Variants in ADAP1 observed in about 807,000 individuals in gnomAD.
The protein encoded by ADAP1 is arf-GAP with dual PH domain-containing protein 1.
A neutral mutation model predicts 54.9 loss-of-function variants in ADAP1; 31 were observed. The observed-to-expected ratio is 0.56, with a 90% CI of 0.42 to 0.76. The LOEUF (loss-of-function observed/expected upper bound fraction) is 0.76. ADAP1 is among the 30% of genes least tolerant of loss of function. The pLI is 0.00. For missense variants in ADAP1, 535 were observed against 512.4 expected (o/e 1.04, Z -0.42); for synonymous variants, 313 against 202.6 (o/e 1.55, Z -4.63).
intron 3 of ADAP1, among the ~76,000 whole-genome samples, chr7:922,007 C>G (rs1218719054): frequency 6.6e-6 from 1 of 152,184 alleles, no homozygotes; most frequent in Non-Finnish European, 1.5e-5. Flanking sequence ...GCAGCAGCAG[C>G]AGGAGGAAGC....
At chr7:904,998 G>T (rs561472625) in intron 5 of ADAP1, 62 bp downstream of exon 5, 3 of 1,452,834 alleles carry the variant, frequency 2.1e-6, no homozygotes, top group Non-Finnish European at 2.9e-6. Flanking sequence ...ACAGGCCCCA[G>T]TGTGGGAGGC....
intron 4 of ADAP1, among the ~76,000 whole-genome samples, chr7:914,408 G>A (rs188228503): frequency 3.3e-5 from 5 of 152,326 alleles, no homozygotes; most frequent in African/African-American, 7.2e-5. Context: ...GAACGCCGCC[G>A]GGAATCCCCA....
chr7:905,192 C>A lies in ADAP1; in HGVS notation c.389-20G>T, dbSNP rs199665210. ...GGTACCCTGTGGGGGAAAGGGGACA[C>A]GAGTCGGTGACAGTGGATGGGGGGG... On this transcript the variant is annotated intron_variant, in intron 4 of 10. Transcript: ENST00000265846. 1.1e-5 allele frequency: 18 copies of A among 1,597,776 alleles called. 1 individual carries two copies. In the South Asian group the frequency reaches 1.3e-4, roughly 12 times the overall value.
chr7:952,416 C>A (rs1050315605), intron 1 of ADAP1, among the ~76,000 whole-genome samples: 2 of 152,214 alleles, frequency 1.3e-5, no homozygotes, highest in Non-Finnish European at 2.9e-5. Context: ...ACGTGCCGGC[C>A]ACCCCAGCCC....
rs546763498 is a variant in ADAP1 at position 910,725 on chromosome 7, G to A, written c.389-5553C>T. Among the ~76,000 whole-genome samples, 18 of 152,356 alleles carry A rather than the reference G, an allele frequency of 1.2e-4. No homozygotes were observed. In the East Asian group the frequency reaches 3.5e-3, roughly 29 times the overall value. On this transcript the variant is annotated intron_variant, in intron 4 of 10. Transcript: ENST00000265846. ...AGCTCACAGGGTGGTGGACCCTCTG[G>A]GGTGGGAACTGCATCCCCATATCTC...
chr7:912,253 G>C (rs532630984), intron 4 of ADAP1, among the ~76,000 whole-genome samples: 1 of 152,138 alleles, frequency 6.6e-6, no homozygotes, highest in Non-Finnish European at 1.5e-5. Flanking sequence ...GCGTCTCAGC[G>C]AGACCAGGGC....
At chr7:931,322 C>T (rs772193262) in intron 2 of ADAP1, among the ~76,000 whole-genome samples, 8 of 152,304 alleles carry the variant, frequency 5.3e-5, no homozygotes, top group African/African-American at 1.2e-4. Flanking sequence ...AAGGTAGAGA[C>T]GACCCACGTG....
chr7:954,137 G>A (rs933810431), intron 1 of ADAP1, among the ~76,000 whole-genome samples: 6 of 152,128 alleles, frequency 3.9e-5, no homozygotes, highest in African/African-American at 1.2e-4. Flanking sequence ...CGGGGGAGGG[G>A]AGGCGGCGGC....
rs1208591061 is a variant in ADAP1, at chr7:900,129, T to C, written c.768A>G (p.Glu256=). The C allele has an allele frequency of 1.2e-6, 2 of 1,613,080 alleles. No individual in the cohort carries two copies. Among genetic ancestry groups the C allele is most frequent in the African/African-American group, 1.3e-5 (1 of 74,920 alleles). ...VPKLSRNYLK[E]GYMEKTGPKQ... ...TGGGCCCCGTCTTCTCCATGTAGCC[T>C]TCCTTCAGGTAGTTCCTGGAGAGCT... The change falls in exon 8 of 11, where the codon GAA becomes GAG. Residue 256 remains glutamate, a synonymous_variant. Coordinates refer to ENST00000265846, the MANE Select transcript of ADAP1 (RefSeq NM_006869.4).
intron 5 of ADAP1, 30 bp downstream of exon 5, chr7:905,030 G>GC (rs767526442): frequency 6.3e-7 from 1 of 1,593,230 alleles, no homozygotes; most frequent in South Asian, 1.1e-5. Flanking sequence ...CCTGGGACAG[G>GC]CCCCCACCCC....
intron 1 of ADAP1, among the ~76,000 whole-genome samples, chr7:942,636 G>GAGAC (rs1442394475): frequency 5.8e-4 from 13 of 22,478 alleles, no homozygotes; most frequent in East Asian, 3.2e-3. Context: ...GAGGAAGGGA[G>GAGAC]GAGGAGGAAG....
At chr7:900,202 G>A (rs1180526835) in intron 7 of ADAP1, 38 bp from the exon 8 acceptor site, 2 of 1,611,134 alleles carry the variant, frequency 1.2e-6, no homozygotes, top group East Asian at 2.2e-5. Flanking sequence ...CCTCAGAAGT[G>A]CAGCTCAGGC....
rs528402851 is a variant in ADAP1 at position 938,812 on chromosome 7, G to A, written c.83-3307C>T. 1.2e-4 allele frequency among the ~76,000 whole-genome samples: 18 copies of A among 152,330 alleles called. No homozygotes were observed. In the East Asian group the frequency reaches 3.1e-3, roughly 26 times the overall value. ...ATGGCAATGCTGTTGGTTCTGCTCC[G>A]ACAGTGTGGACCACGGACCCAGGCT... On this transcript the variant is annotated intron_variant, in intron 1 of 10. Coordinates refer to ENST00000265846, the MANE Select transcript of ADAP1 (RefSeq NM_006869.4). The surrounding 1 kb of genome is among the most constrained non-coding windows in gnomAD (Gnocchi z 4.4).
intron 4 of ADAP1, among the ~76,000 whole-genome samples, chr7:907,343 G>A (rs1056556736): frequency 3.3e-5 from 5 of 152,118 alleles, no homozygotes; most frequent in African/African-American, 7.2e-5. Flanking sequence ...GGAAGGGGAC[G>A]TGGCCGTGGA....
At chr7:912,029 C>T (rs934269843) in intron 4 of ADAP1, among the ~76,000 whole-genome samples, 8 of 152,338 alleles carry the variant, frequency 5.3e-5, no homozygotes, top group African/African-American at 1.2e-4. Context: ...TCGTGCCGCA[C>T]ACCATCGTCC....
intron 1 of ADAP1, 21 bp from the exon 2 acceptor site, chr7:935,526 T>G (rs1562933392): frequency 1.3e-6 from 2 of 1,557,896 alleles, no homozygotes; most frequent in South Asian, 2.4e-5. Context: ...AAGCCGGACG[T>G]TCACGGAGGC....
rs1227210916 is a variant in ADAP1, at chr7:900,114, C to G, written c.783G>C (p.Lys261Asn). The change falls in exon 8 of 11, where the codon AAG becomes AAC. Residue 261 changes from lysine to asparagine, a missense_variant. Transcript: ENST00000265846. ...RNYLKEGYME[K>N]TGPKQTEGFR... ...GCGGCACACCCACCTTGGGCCCCGTCTTCTCCATGTAGCCTTCCTTCAGGT... is the reference window on the plus strand; with the variant it reads ...GCGGCACACCCACCTTGGGCCCCGTGTTCTCCATGTAGCCTTCCTTCAGGT... 1.2e-6 allele frequency: 2 copies of G among 1,613,256 alleles called. No homozygotes were observed. The highest frequency in any genetic ancestry group is 8.5e-7 in the Non-Finnish European group (1 of 1,179,952).
chr7:927,805 G>A (rs1487807505), intron 2 of ADAP1, among the ~76,000 whole-genome samples: 2 of 152,218 alleles, frequency 1.3e-5, no homozygotes, highest in South Asian at 2.1e-4. Context: ...CGAGACACAG[G>A]GAGGTAGAAA....
At chr7:915,571 C>CT (rs1195964907) in intron 4 of ADAP1, among the ~76,000 whole-genome samples, 34 of 152,350 alleles carry the variant, frequency 2.2e-4, no homozygotes, top group African/African-American at 7.7e-4. Context: ...GCTGGGAGGC[C>CT]TCTCCCTCCC....
Sources: gnomAD v4.1 joint callset for allele counts (sites outside exome capture counted in the v4.1 genomes callset) on GRCh38, gnomAD v4.1.1 for gene constraint, Gnocchi (gnomAD v3.1) non-coding constraint, MANE v1.5 for transcripts, NCBI Gene and HGNC (gene_info 2026-07-23, HGNC 2026-07-21) for gene names.